Variants in L3MBTL2 observed in about 807,000 individuals in gnomAD.
L3MBTL2 encodes L3MBTL histone methyl-lysine binding protein 2.
Under a neutral mutation model 86.4 loss-of-function variants are expected in L3MBTL2, and 49 were observed. The ratio of observed to expected loss-of-function variants is 0.57; its 90% CI spans 0.45 to 0.72. L3MBTL2 has a LOEUF of 0.72. L3MBTL2 is among the 30% of genes least tolerant of loss of function. The probability of loss-of-function intolerance (pLI) is 0.00; values close to 1 mark genes in which losing one functional copy is unlikely to be tolerated. For synonymous variants in L3MBTL2, 336 were observed against 350.6 expected, an observed-to-expected ratio of 0.96 and a Z score of 0.47; for missense variants, 755 against 923.7, an observed-to-expected ratio of 0.82 and a Z score of 2.37.
intron 3 of L3MBTL2, among the ~76,000 whole-genome samples, 168 bp from the exon 4 acceptor site, chr22:41,215,971 C>G (rs1339084858): frequency 1.3e-5 from 2 of 152,150 alleles, no homozygotes; most frequent in Admixed American, 6.5e-5. Flanking sequence ...CCACAACCAC[C>G]CCCTGAGCTC....
chr22:41,226,737 T>G lies in L3MBTL2; in HGVS notation c.1580T>G (p.Phe527Cys), dbSNP rs752219568. 6.2e-7 allele frequency: 1 copy of G among 1,613,006 alleles called. No homozygotes were observed. Among genetic ancestry groups the G allele is most frequent in the Admixed American group, 1.7e-5 (1 of 59,962 alleles). The change falls in exon 13 of 17, where the codon TTT (phenylalanine) becomes TGT (cysteine). Residue 527 changes from phenylalanine (F) to cysteine (C), a missense_variant. By Grantham distance (205) the Phe-to-Cys change is radical. Around this residue, in one of 3 missense-constraint regions of L3MBTL2, gnomAD observed 634 missense variants for 748.9 expected, o/e 0.85. Coordinates refer to ENST00000216237, the MANE Select transcript of L3MBTL2 (RefSeq NM_031488.5). ...TKSKAAPSRL[F>C]NMDCPNHGFK... is the part of the protein sequence containing the mutation. ...TCGAAAGCCGCTCCATCGAGACTCTTTAACATGGTGAGGAGACTGAAGTGG... is the reference window on the plus strand; with the variant it reads ...TCGAAAGCCGCTCCATCGAGACTCTGTAACATGGTGAGGAGACTGAAGTGG...
At chr22:41,212,644 C>G (rs2030979774) in intron 2 of L3MBTL2, among the ~76,000 whole-genome samples, 1 of 152,014 alleles carries the variant, frequency 6.6e-6, no homozygotes. Flanking sequence ...GCCTGTAATC[C>G]CAGCACTTTG....
At chr22:41,228,562 G>A (rs2032352040) in intron 15 of L3MBTL2, 2 of 982,314 alleles carry the variant, frequency 2.0e-6, no homozygotes, top group Non-Finnish European at 1.2e-6. Flanking sequence ...TTAAGATTGA[G>A]TGAGGCGGCC....
intron 5 of L3MBTL2, 139 bp from the exon 6 acceptor site, chr22:41,219,280 C>T (rs778887035): frequency 1.5e-4 from 100 of 668,738 alleles, no homozygotes; most frequent in Admixed American, 1.3e-3. Flanking sequence ...CTCTTTATCT[C>T]TAGTAGCTGG....
At chr22:41,222,757 T>C (rs558617409) in intron 8 of L3MBTL2, among the ~76,000 whole-genome samples, 1 of 152,238 alleles carries the variant, frequency 6.6e-6, no homozygotes, top group Non-Finnish European at 1.5e-5. Flanking sequence ...CTGTCTTTAC[T>C]AGAAATACAA....
Position 41,227,280 on chromosome 22 carries a change from G to C in L3MBTL2, c.1779G>C (p.Trp593Cys), listed in dbSNP as rs1295076591. The C allele has an allele frequency of 2.5e-6, 4 of 1,611,672 alleles. No individual in the cohort carries two copies. The South Asian group carries it at 4.4e-5, about 18-fold the overall frequency. The change falls in exon 14 of 17, where the codon TGG becomes TGC. Residue 593 changes from tryptophan (W) to cysteine (C), a missense_variant. Physicochemically the swap from Trp to Cys is radical, Grantham distance 215. This residue lies in a region of L3MBTL2 where 634 missense variants were observed against 748.9 expected (regional missense o/e 0.85). Coordinates refer to ENST00000216237, the MANE Select transcript of L3MBTL2 (RefSeq NM_031488.5). The surrounding 1 kb of genome is among the most constrained non-coding windows in gnomAD (Gnocchi z 6.0). ...CCCCAGACATCTACCCCGTCGGCTG[G>C]TGTGAGCTCACCGGCTACCAGCTCC... is the stretch of plus-strand genomic sequence containing the variant. ...CESPDIYPVG[W>C]CELTGYQLQP...
At chr22:41,212,612 C>G (rs984025989) in intron 2 of L3MBTL2, among the ~76,000 whole-genome samples, 3 of 151,956 alleles carry the variant, frequency 2.0e-5, no homozygotes, top group Non-Finnish European at 4.4e-5. Context: ...AGTGAAGTCA[C>G]GGGCCAGGCA....
At chr22:41,217,013 C>A in intron 4 of L3MBTL2, 110 bp from the exon 5 acceptor site, 1 of 774,100 alleles carries the variant, frequency 1.3e-6, no homozygotes, top group South Asian at 1.5e-5. Flanking sequence ...AGAGGGGCTG[C>A]TGGGGGTGGG....
chr22:41,229,995 G>T, intron 16 of L3MBTL2, 144 bp from the exon 17 acceptor site: 2 of 696,820 alleles, frequency 2.9e-6, no homozygotes, highest in South Asian at 1.8e-5. Flanking sequence ...TGCTGCCACT[G>T]CCCTCCCAGA....
intron 1 of L3MBTL2, 82 bp downstream of exon 1, chr22:41,205,468 C>A: frequency 6.6e-7 from 1 of 1,511,724 alleles, no homozygotes; most frequent in Non-Finnish European, 9.2e-7. Context: ...GGGCTTTTAG[C>A]GACGCCTGGA....
At position 41,225,551 on chromosome 22, in the gene L3MBTL2, A is replaced by G. The variant is rs1370486292; in HGVS notation, c.1357-243A>G. 6.6e-6 allele frequency among the ~76,000 whole-genome samples: 1 copy of G among 152,206 alleles called. No individual in the cohort carries two copies. The highest frequency in any genetic ancestry group is 1.5e-5 in the Non-Finnish European group (1 of 68,026). ...TGTGCTCACCCAAGAACACGGTCCA[A>G]CAGGATGGACGCGGCCCCTGCTGGC... On this transcript the variant is annotated intron_variant, in intron 11 of 16. Coordinates refer to ENST00000216237, the MANE Select transcript of L3MBTL2 (RefSeq NM_031488.5). This position sits in a 1 kb window ranked among gnomAD's most constrained non-coding sequence, Gnocchi z 4.1.
In L3MBTL2 at chr22:41,209,899, T is replaced by C; in HGVS notation, c.228T>C (p.Thr76=). 1 of 1,613,938 alleles carries C rather than the reference T, an allele frequency of 6.2e-7. No homozygotes were observed. The highest frequency in any genetic ancestry group is 8.5e-7 in the Non-Finnish European group (1 of 1,179,882). The change falls in exon 2 of 17, where the codon ACT becomes ACC. Residue 76 remains threonine, a synonymous_variant. Transcript: ENST00000216237. ...CGCTGCATTTGCTCAGCCCTGGGAC[T>C]CCTCGCTCCTTGGATGGCAGTGGTT... is the stretch of plus-strand genomic sequence containing the variant. ...TSPLHLLSPG[T]PRSLDGSGSE... is the part of the protein sequence containing the mutation.
rs1601537903 is a variant in L3MBTL2, at chr22:41,227,527, C to T, written c.1822+204C>T. The stretch of plus-strand genomic sequence containing the variant: ...TTCCCTCTGGCCTGCAGAGCTCCTT[C>T]CTTCATCTTGCCCACTCTGTCATAT... On this transcript the variant is annotated intron_variant, in intron 14 of 16. Coordinates refer to ENST00000216237, the MANE Select transcript of L3MBTL2 (RefSeq NM_031488.5). The surrounding 1 kb of genome is among the most constrained non-coding windows in gnomAD (Gnocchi z 6.0). 3 of 1,459,798 alleles carry T rather than the reference C, an allele frequency of 2.1e-6. No homozygotes were observed. Among genetic ancestry groups the T allele is most frequent in the Non-Finnish European group, 2.8e-6 (3 of 1,065,154 alleles). 90.4% of individuals were successfully genotyped at this position (1,459,798 alleles called of 1,614,324 possible).
At chr22:41,223,788 G>A (rs761587257) in intron 8 of L3MBTL2, among the ~76,000 whole-genome samples, 3 of 152,240 alleles carry the variant, frequency 2.0e-5, no homozygotes, top group African/African-American at 4.8e-5. Context: ...ACTGCAAGCC[G>A]TGTGCCTTCC....
chr22:41,217,995 CT>C (rs774170497), intron 5 of L3MBTL2: 4 of 152,230 alleles, frequency 2.6e-5, no homozygotes, highest in Non-Finnish European at 4.4e-5. Context: ...GAGGGGGAGC[CT>C]CTTTTTTGCC....
Position 41,227,855 on chromosome 22 carries a change from A to C in L3MBTL2, c.1874A>C (p.Gln625Pro). Residue 625 changes from glutamine (Q) to proline (P), a missense_variant, in exon 15 of 17, where the codon CAG (glutamine) becomes CCG (proline). This residue lies in a region of L3MBTL2 where 634 missense variants were observed against 748.9 expected (regional missense o/e 0.85). Coordinates refer to ENST00000216237, the MANE Select transcript of L3MBTL2 (RefSeq NM_031488.5). This position sits in a 1 kb window ranked among gnomAD's most constrained non-coding sequence, Gnocchi z 6.0. ...AKEATKKKKK[Q>P]FGKKRKRIPP... The stretch of plus-strand genomic sequence containing the variant: ...GAGGCCACAAAGAAGAAAAAGAAAC[A>C]GTTTGGGAAGAAAAGTAAGTGCTGC... 6.2e-7 allele frequency: 1 copy of C among 1,612,476 alleles called. No individual in the cohort carries two copies. The highest frequency in any genetic ancestry group is 8.5e-7 in the Non-Finnish European group (1 of 1,179,128).
chr22:41,205,468 C>G, intron 1 of L3MBTL2, 82 bp downstream of exon 1: 1 of 1,511,728 alleles, frequency 6.6e-7, no homozygotes, highest in Non-Finnish European at 9.2e-7. Flanking sequence ...GGGCTTTTAG[C>G]GACGCCTGGA....
chr22:41,229,640 G>T lies in L3MBTL2; in HGVS notation c.1989G>T (p.Glu663Asp). The T allele has an allele frequency of 6.2e-7, 1 of 1,613,674 alleles. No individual in the cohort carries two copies. Among genetic ancestry groups the T allele is most frequent in the Non-Finnish European group, 8.5e-7 (1 of 1,180,028 alleles). ...DPQGARKISS[E>D]PVPGEIIAVR... is the part of the protein sequence containing the mutation. ...AGGGTGCCAGGAAGATCTCGTCGGA[G>T]CCTGTTCCTGGCGAGAGTAAGAGCC... The change falls in exon 16 of 17, where the codon GAG becomes GAT. Residue 663 changes from glutamate to aspartate, a missense_variant. This residue lies in a region of L3MBTL2 where 634 missense variants were observed against 748.9 expected (regional missense o/e 0.85). Coordinates refer to ENST00000216237, the MANE Select transcript of L3MBTL2 (RefSeq NM_031488.5).
At chr22:41,210,105 T>C in intron 2 of L3MBTL2, 172 bp downstream of exon 2, 1 of 676,952 alleles carries the variant, frequency 1.5e-6, no homozygotes, top group Non-Finnish European at 2.3e-6. Context: ...GCACCCCAAG[T>C]AGCCACTGTG....
Sources: allele counts gnomAD v4.1 joint callset (sites outside exome capture counted in the v4.1 genomes callset), GRCh38; gene constraint gnomAD v4.1.1; regional missense constraint gnomAD v4.1.1; non-coding constraint Gnocchi (gnomAD v3.1); transcripts MANE v1.5; gene names NCBI Gene and HGNC (gene_info 2026-07-23, HGNC 2026-07-21).